Variants in LRRFIP1 observed in about 807,000 individuals in gnomAD.
The protein encoded by LRRFIP1 is LRR binding FLII interacting protein 1.
LRRFIP1 carries 62 observed loss-of-function variants against 104.4 expected under a neutral mutation model. The observed-to-expected ratio is 0.59, with a 90% confidence interval of 0.48 to 0.73. The LOEUF (loss-of-function observed/expected upper bound fraction) is 0.73, where lower values mean the gene tolerates loss of function less well. Among genes scored for constraint, LRRFIP1 ranks in the 30% least tolerant of loss-of-function variants. The pLI is 0.00. For missense variants in LRRFIP1, 796 were observed against 824.5 expected, an observed-to-expected ratio of 0.97 and a Z score of 0.42; for synonymous variants, 300 against 299.0, an observed-to-expected ratio of 1.00 and a Z score of -0.03.
At position 237,760,176 on chromosome 2, in the gene LRRFIP1, C is replaced by T. The variant is rs865858110; in HGVS notation, c.1430C>T (p.Ala477Val). The T allele has an allele frequency of 1.8e-5, 29 of 1,614,094 alleles. No individual in the cohort carries two copies. Among genetic ancestry groups the T allele is most frequent in the Non-Finnish European group, 2.4e-5 (28 of 1,180,000 alleles). ...PTKMTKEELN[A>V]LKSTGDGTLD... ...AAGATGACAAAAGAAGAGTTAAATG[C>T]CCTCAAGTCGACAGGGGATGGGACC... is the stretch of plus-strand genomic sequence containing the variant. Residue 477 changes from alanine (A) to valine (V), a missense_variant, in exon 19 of 24, where the codon GCC becomes GTC. By Grantham distance (64) the Ala-to-Val change is moderately conservative. Coordinates refer to ENST00000308482, the MANE Select transcript of LRRFIP1 (RefSeq NM_001137550.2).
At chr2:237,754,568 G>A (rs193146550) in intron 15 of LRRFIP1, among the ~76,000 whole-genome samples, 72 of 152,118 alleles carry the variant, frequency 4.7e-4, no homozygotes, top group Non-Finnish European at 2.1e-4. Context: ...TGTGAGTGTC[G>A]TTGTTGTTGT....
rs1219393733 is a variant in LRRFIP1 at position 237,720,779 on chromosome 2, A to T, written c.302A>T (p.Asp101Val). The T allele has an allele frequency of 2.5e-6, 4 of 1,613,910 alleles. No individual in the cohort carries two copies. Among genetic ancestry groups the T allele is most frequent in the Non-Finnish European group, 2.5e-6 (3 of 1,179,912 alleles). ...RRSRRNTSASDEDERMSVGSR... is the reference protein window; with the variant it reads ...RRSRRNTSASVEDERMSVGSR... Reference sequence around the variant, plus strand: ...CGTCCTTTCTTTTAATAGGCTTCTGATGAAGACGAGCGCATGTCAGTGGGT... The same window carrying T: ...CGTCCTTTCTTTTAATAGGCTTCTGTTGAAGACGAGCGCATGTCAGTGGGT... The change falls in exon 6 of 24, where the codon GAT becomes GTT. Residue 101 changes from aspartate (D) to valine (V), a missense_variant. Transcript: ENST00000308482.
intron 1 of LRRFIP1, among the ~76,000 whole-genome samples, chr2:237,695,701 A>G (rs1438717256): frequency 6.6e-6 from 1 of 152,160 alleles, no homozygotes; most frequent in Admixed American, 6.5e-5. Context: ...GGGACAGGAG[A>G]AGAGGATTTT....
intron 7 of LRRFIP1, among the ~76,000 whole-genome samples, chr2:237,725,694 T>A (rs1209718296): frequency 6.6e-6 from 1 of 152,206 alleles, no homozygotes; most frequent in Non-Finnish European, 1.5e-5. Context: ...TCATGGAAAT[T>A]GCTTTGCAGG....
In LRRFIP1 at chr2:237,634,891, A is replaced by G. The variant is rs563612631; in HGVS notation, c.96+7151A>G. 3.3e-5 allele frequency among the ~76,000 whole-genome samples: 5 copies of G among 152,364 alleles called. No homozygotes were observed. In the South Asian group the frequency reaches 8.3e-4, roughly 25 times the overall value. ...TATGATTAAACAAAGCAGATAATCT[A>G]TCAATTCCATTTTATTCTCCCATGG... On this transcript the variant is annotated intron_variant, in intron 1 of 23. Coordinates refer to ENST00000308482, the MANE Select transcript of LRRFIP1 (RefSeq NM_001137550.2).
intron 1 of LRRFIP1, among the ~76,000 whole-genome samples, chr2:237,696,716 A>G (rs997406358): frequency 1.3e-5 from 2 of 152,240 alleles, no homozygotes; most frequent in Non-Finnish European, 2.9e-5. Context: ...CGGAACTGGT[A>G]CTGATAACTG....
chr2:237,731,109 G>A (rs2094986330), intron 8 of LRRFIP1, among the ~76,000 whole-genome samples: 1 of 152,344 alleles, frequency 6.6e-6, no homozygotes, highest in South Asian at 2.1e-4. Context: ...GCTGTTCCGT[G>A]AACCTGGTGA....
chr2:237,709,920 T>C (rs1378946439), intron 2 of LRRFIP1, among the ~76,000 whole-genome samples: 1 of 151,974 alleles, frequency 6.6e-6, no homozygotes, highest in African/African-American at 2.4e-5. Context: ...TGACATGATC[T>C]CTACTCACTG....
rs992976923 is a variant in LRRFIP1, at chr2:237,717,480, C to T, written c.202-282C>T. 2.0e-5 allele frequency among the ~76,000 whole-genome samples: 3 copies of T among 152,322 alleles called. No individual in the cohort carries two copies. The highest frequency in any genetic ancestry group is 2.1e-4 in the South Asian group (1 of 4,828). ...CCGGCTTTACTGTCCTGCTCTCCCC[C>T]GAGGCCCTTCACCTGGGGAAGCTTC... On this transcript the variant is annotated intron_variant, in intron 3 of 23. Coordinates refer to ENST00000308482, the MANE Select transcript of LRRFIP1 (RefSeq NM_001137550.2). This position sits in a 1 kb window ranked among gnomAD's most constrained non-coding sequence, Gnocchi z 4.2.
chr2:237,756,263 T>A, intron 16 of LRRFIP1, 76 bp downstream of exon 16: 1 of 1,026,444 alleles, frequency 9.7e-7, no homozygotes, highest in Admixed American at 2.1e-5. Flanking sequence ...TATCTTAGCT[T>A]AGGCTGCAGT....
At chr2:237,750,288 TC>T (rs2058417929) in intron 13 of LRRFIP1, among the ~76,000 whole-genome samples, 1 of 150,250 alleles carries the variant, frequency 6.7e-6, no homozygotes, top group Non-Finnish European at 1.5e-5. Flanking sequence ...CCTTGTTGCT[TC>T]CCTTTTTTTT....
In LRRFIP1 at chr2:237,727,944, A is replaced by G. The variant is rs371963460; in HGVS notation, c.444+9A>G. ...ATAGAAGATCTGGCAGGGTTAGTAT[A>G]GTAAATTTGCATGGCTCAAAATTCA... On this transcript the variant is annotated intron_variant, in intron 8 of 23. Transcript: ENST00000308482. The G allele has an allele frequency of 3.1e-6, 5 of 1,594,118 alleles. No homozygotes were observed. Among genetic ancestry groups the G allele is most frequent in the Non-Finnish European group, 4.3e-6 (5 of 1,169,970 alleles).
intron 22 of LRRFIP1, among the ~76,000 whole-genome samples, chr2:237,773,201 A>T (rs2060796000): frequency 6.6e-6 from 1 of 152,196 alleles, no homozygotes; most frequent in Admixed American, 6.5e-5. Context: ...GAAAATAGCT[A>T]ATGTGGCTTG....
At chr2:237,719,115 A>G (rs545672797) in intron 4 of LRRFIP1, among the ~76,000 whole-genome samples, 1 of 152,320 alleles carries the variant, frequency 6.6e-6, no homozygotes, top group East Asian at 1.9e-4. Flanking sequence ...CACAATACAT[A>G]GTAGAAAGAG....
At chr2:237,742,405 C>T (rs1273450146) in intron 11 of LRRFIP1, among the ~76,000 whole-genome samples, 10 of 152,170 alleles carry the variant, frequency 6.6e-5, no homozygotes, top group East Asian at 5.8e-4. Context: ...TGAAACCTCC[C>T]GTATGTGGTT....
intron 1 of LRRFIP1, among the ~76,000 whole-genome samples, chr2:237,635,725 T>C (rs1398105626): frequency 6.6e-6 from 1 of 152,094 alleles, no homozygotes; most frequent in Non-Finnish European, 1.5e-5. Context: ...TTTGGGAATC[T>C]GAGGCAGGAG....
At chr2:237,737,736 C>T (rs1050421504) in intron 10 of LRRFIP1, among the ~76,000 whole-genome samples, 2 of 152,116 alleles carry the variant, frequency 1.3e-5, no homozygotes, top group African/African-American at 4.8e-5. Context: ...AACAAGAATG[C>T]CAAAAAGTGA....
At chr2:237,747,156 A>G (rs1157794593) in intron 11 of LRRFIP1, among the ~76,000 whole-genome samples, 3 of 152,256 alleles carry the variant, frequency 2.0e-5, no homozygotes, top group Non-Finnish European at 2.9e-5. Flanking sequence ...ACCCTGAGCT[A>G]AGAGCTGGTC....
intron 1 of LRRFIP1, among the ~76,000 whole-genome samples, chr2:237,706,632 C>G (rs1009254287): frequency 2.0e-5 from 3 of 152,004 alleles, no homozygotes; most frequent in Admixed American, 2.0e-4. Flanking sequence ...ACCCAAGAGT[C>G]CTTTCTTTTG....
Sources: allele counts gnomAD v4.1 joint callset (sites outside exome capture counted in the v4.1 genomes callset), GRCh38; gene constraint gnomAD v4.1.1; non-coding constraint Gnocchi (gnomAD v3.1); transcripts MANE v1.5; gene names NCBI Gene and HGNC (gene_info 2026-07-23, HGNC 2026-07-21).